The following OR2L13 variants were observed in gnomAD, a reference collection of about 807,000 sequenced individuals.
The protein encoded by OR2L13 is olfactory receptor family 2 subfamily L member 13.
Under a neutral mutation model 15.3 loss-of-function variants are expected in OR2L13, and 14 were observed. The ratio of observed to expected loss-of-function variants is 0.91; its 90% CI spans 0.60 to 1.43. OR2L13 has a LOEUF of 1.43. Among genes scored for constraint, OR2L13 ranks in the 40% most tolerant of loss-of-function variants. The pLI is 0.00. For synonymous variants in OR2L13, 152 were observed against 142.9 expected, an observed-to-expected ratio of 1.06 and a Z score of -0.45; for missense variants, 367 against 387.9, an observed-to-expected ratio of 0.95 and a Z score of 0.45.
chr1:247,984,180 T>C, the OR2L13 span, among the ~76,000 whole-genome samples: 40,468 of 151,542 alleles, frequency 0.27, 9,310 homozygotes, highest in African/African-American at 0.63. Flanking sequence ...GATATATTTT[T>C]ATTCCTAACC....
At chr1:248,004,075 C>G in the OR2L13 span, 4 of 1,593,972 alleles carry the variant, frequency 2.5e-6, no homozygotes, top group Non-Finnish European at 3.4e-6. Flanking sequence ...TGTAGAAACA[C>G]TTTCTGCCTA....
the OR2L13 span, among the ~76,000 whole-genome samples, chr1:248,083,233 C>G: frequency 5.9e-5 from 9 of 152,118 alleles, no homozygotes; most frequent in Admixed American, 1.3e-4. Context: ...GGAAATAACA[C>G]TCAAAATACG....
the OR2L13 span, chr1:247,949,427 C>T: frequency 6.2e-7 from 1 of 1,612,326 alleles, no homozygotes; most frequent in Middle Eastern, 1.6e-4. Context: ...CCTGCATGGA[C>T]ACCTGGGTCT....
chr1:247,948,965 G>A, the OR2L13 span: 1 of 1,613,794 alleles, frequency 6.2e-7, no homozygotes, highest in Non-Finnish European at 8.5e-7. Context: ...TTTTCCTGAT[G>A]GCTCTAATTG....
chr1:248,049,415 C>G, the OR2L13 span, among the ~76,000 whole-genome samples: 706 of 152,268 alleles, frequency 4.6e-3, 7 homozygotes, highest in Middle Eastern at 0.024. Context: ...GTAAATATTA[C>G]GTTGAATATG....
chr1:248,003,608 G>A, the OR2L13 span: 1 of 1,611,472 alleles, frequency 6.2e-7, no homozygotes, highest in South Asian at 1.1e-5. Context: ...TGCTCACACT[G>A]TATATATACT....
chr1:247,997,830 A>G, the OR2L13 span, among the ~76,000 whole-genome samples: 1 of 152,192 alleles, frequency 6.6e-6, no homozygotes, highest in Admixed American at 6.5e-5. Flanking sequence ...TTCAGTGGAC[A>G]TTCCCTAGTG....
chr1:248,079,315 T>C, the OR2L13 span, among the ~76,000 whole-genome samples: 18 of 152,244 alleles, frequency 1.2e-4, no homozygotes, highest in African/African-American at 4.1e-4. Context: ...GCAACAAAAA[T>C]TCAATGCAAA....
chr1:248,060,430 T>C, the OR2L13 span, among the ~76,000 whole-genome samples: 1 of 152,236 alleles, frequency 6.6e-6, no homozygotes, highest in Non-Finnish European at 1.5e-5. Flanking sequence ...TAATTTGTAT[T>C]ATAGTATACT....
the OR2L13 span, among the ~76,000 whole-genome samples, chr1:247,973,465 G>A: frequency 6.6e-6 from 1 of 152,012 alleles, no homozygotes; most frequent in Admixed American, 6.6e-5. Context: ...AAAATCACTA[G>A]CATTCTTATA....
chr1:248,041,821 C>T, the OR2L13 span: 1 of 152,322 alleles, frequency 6.6e-6, no homozygotes, highest in East Asian at 1.9e-4. Context: ...TACCATCTCA[C>T]ACCAGTTAGA....
the OR2L13 span, among the ~76,000 whole-genome samples, chr1:248,009,292 GAA>G: frequency 6.6e-6 from 1 of 151,568 alleles, no homozygotes; most frequent in African/African-American, 2.4e-5. Flanking sequence ...TAATAAAGAA[GAA>G]AAGAGAGAAG....
chr1:247,994,803 T>C, the OR2L13 span, among the ~76,000 whole-genome samples: 1 of 152,216 alleles, frequency 6.6e-6, no homozygotes, highest in Non-Finnish European at 1.5e-5. Context: ...TTGAGTGTGG[T>C]AATCATTTCA....
chr1:248,079,785 A>G, the OR2L13 span, among the ~76,000 whole-genome samples: 1 of 152,226 alleles, frequency 6.6e-6, no homozygotes, highest in African/African-American at 2.4e-5. Flanking sequence ...ATGTTAGCAT[A>G]GTAGACTATC....
the OR2L13 span, chr1:248,038,345 A>G: frequency 1.9e-6 from 3 of 1,591,936 alleles, no homozygotes; most frequent in South Asian, 1.1e-5. Context: ...GCCTTTTCGT[A>G]TTCACCCTCA....
chr1:247,963,493 G>C, the OR2L13 span, among the ~76,000 whole-genome samples: 1 of 152,080 alleles, frequency 6.6e-6, no homozygotes, highest in Non-Finnish European at 1.5e-5. Context: ...TGTATCTTTT[G>C]AAACAAGTCC....
At chr1:248,093,469 G>A (rs924131542), upstream of OR2L13, among the ~76,000 whole-genome samples, 1 of 152,144 alleles carries the variant, frequency 6.6e-6, no homozygotes, top group African/African-American at 2.4e-5. Context: ...AATGCAAGCA[G>A]CACCACATTG....
At chr1:247,949,901 C>G in the OR2L13 span, 5 of 811,032 alleles carry the variant, frequency 6.2e-6, no homozygotes, top group Middle Eastern at 3.3e-4. Flanking sequence ...TAAAACTAAC[C>G]AACGGAAGAA....
chr1:247,942,265 C>A, the OR2L13 span, among the ~76,000 whole-genome samples: 115 of 152,216 alleles, frequency 7.6e-4, no homozygotes, highest in African/African-American at 2.6e-3. Context: ...TGTGTGGCTG[C>A]TTAGTGCTTA....
Sources: allele counts gnomAD v4.1 joint callset (sites outside exome capture counted in the v4.1 genomes callset), GRCh38; gene constraint gnomAD v4.1.1; transcripts MANE v1.5; gene names NCBI Gene and HGNC (gene_info 2026-07-23, HGNC 2026-07-21).